The following ADAM12 variants were observed in gnomAD, a reference collection of about 807,000 sequenced individuals.
ADAM12 encodes the protein ADAM metallopeptidase domain 12.
ADAM12 carries 70 observed loss-of-function variants against 106.4 expected under a neutral mutation model. That is an observed-to-expected ratio of 0.66 (90% CI 0.54 to 0.80). The LOEUF (loss-of-function observed/expected upper bound fraction) is 0.80, where lower values mean the gene tolerates loss of function less well. Among genes scored for constraint, ADAM12 ranks in the 30% least tolerant of loss-of-function variants. ADAM12 has a pLI of 0.00. For missense variants in ADAM12, 1,010 were observed against 1,171.9 expected (o/e 0.86, Z 2.02); for synonymous variants, 420 against 433.5 (o/e 0.97, Z 0.39).
At chr10:126,363,043 G>A (rs958271004) in intron 1 of ADAM12, among the ~76,000 whole-genome samples, 11 of 151,734 alleles carry the variant, frequency 7.2e-5, no homozygotes, top group Middle Eastern at 3.4e-3. Context: ...CATCAATTTG[G>A]GCCCCATATA....
chr10:126,158,278 C>A (rs1346768681), intron 3 of ADAM12, among the ~76,000 whole-genome samples: 1 of 151,226 alleles, frequency 6.6e-6, no homozygotes, highest in Non-Finnish European at 1.5e-5. Context: ...GGAGAGAATG[C>A]ACAGAGCACC....
chr10:126,295,570 C>CACAT (rs1216399082), intron 2 of ADAM12, among the ~76,000 whole-genome samples: 1 of 151,156 alleles, frequency 6.6e-6, no homozygotes, highest in African/African-American at 2.4e-5. Context: ...CACACACACA[C>CACAT]ATCTCTGTTC....
chr10:126,350,294 C>G (rs1472534639), intron 1 of ADAM12, among the ~76,000 whole-genome samples: 1 of 152,166 alleles, frequency 6.6e-6, no homozygotes, highest in East Asian at 1.9e-4. Flanking sequence ...TGGAATCAAG[C>G]AATTTGTGTT....
At chr10:126,380,092 T>C (rs1317336446) in intron 1 of ADAM12, among the ~76,000 whole-genome samples, 1 of 152,098 alleles carries the variant, frequency 6.6e-6, no homozygotes, top group Non-Finnish European at 1.5e-5. Flanking sequence ...TGGAATGACA[T>C]AAAAGCTTAA....
intron 3 of ADAM12, among the ~76,000 whole-genome samples, chr10:126,195,018 C>T (rs185214099): frequency 4.6e-5 from 7 of 151,680 alleles, no homozygotes; most frequent in East Asian, 3.9e-4. Context: ...GCACTAATTA[C>T]GTATCTGCCT....
intron 3 of ADAM12, among the ~76,000 whole-genome samples, chr10:126,236,136 C>A (rs1213644684): frequency 1.3e-5 from 2 of 152,230 alleles, no homozygotes; most frequent in African/African-American, 4.8e-5. Flanking sequence ...AGGGAATGCC[C>A]TCACTTGGGA....
intron 1 of ADAM12, among the ~76,000 whole-genome samples, chr10:126,345,567 T>A (rs995550661): frequency 2.6e-5 from 4 of 152,242 alleles, no homozygotes; most frequent in African/African-American, 9.7e-5. Context: ...TCCCTCTTTT[T>A]CTATTGGTTG....
intron 5 of ADAM12, among the ~76,000 whole-genome samples, chr10:126,125,733 C>T (rs922553639): frequency 1.3e-5 from 2 of 151,560 alleles, no homozygotes; most frequent in Non-Finnish European, 2.9e-5. Context: ...GACCTTATTG[C>T]GAAAAGGGAC....
In ADAM12 at chr10:126,387,967, T is replaced by C. The variant is rs1319296980; in HGVS notation, c.88+91A>G. On this transcript the variant is annotated intron_variant, in intron 1 of 22. Transcript: ENST00000448723. The stretch of plus-strand genomic sequence containing the variant: ...GAGATGCGCCGGGGCGCGTCGCCCC[T>C]CGGGGCAGCCCTGGACCTCGGCGCG... 60 of 1,162,070 alleles carry C rather than the reference T, an allele frequency of 5.2e-5. 1 individual carries two copies. In the South Asian group the frequency reaches 2.3e-3, roughly 44 times the overall value. The allele number at this position is 1,162,070 out of a possible 1,614,324, so 72.0% of individuals were successfully genotyped here. A position where few individuals can be genotyped will look rare whatever the true frequency, so the allele number is the denominator to read the frequency against.
intron 5 of ADAM12, among the ~76,000 whole-genome samples, chr10:126,125,041 C>A (rs541548776): frequency 3.3e-5 from 5 of 151,894 alleles, no homozygotes; most frequent in African/African-American, 4.8e-5. Context: ...ATAATTCACA[C>A]AGCATTAAGT....
chr10:126,253,832 A>G (rs1958835227), intron 3 of ADAM12, among the ~76,000 whole-genome samples: 1 of 152,236 alleles, frequency 6.6e-6, no homozygotes, highest in African/African-American at 2.4e-5. Flanking sequence ...CACAGGCTCC[A>G]TGAGAGAAGC....
rs138785515 is a variant in ADAM12, at chr10:126,340,633, A to G, written c.89-10124T>C. On this transcript the variant is annotated intron_variant, in intron 1 of 22. Transcript: ENST00000448723. ...AAGTTCTGGAACCTCATGTCCTGATAGCACCATCTTCCTCTCTCTACTGCC... is the reference window on the plus strand; with the variant it reads ...AAGTTCTGGAACCTCATGTCCTGATGGCACCATCTTCCTCTCTCTACTGCC... Among the ~76,000 whole-genome samples the G allele has an allele frequency of 4.9e-3, 747 of 152,154 alleles. 4 individuals are homozygous for G. Among genetic ancestry groups the G allele is most frequent in the African/African-American group, 0.017 (725 of 41,510 alleles).
chr10:126,194,183 T>C (rs1403701355), intron 3 of ADAM12, among the ~76,000 whole-genome samples: 1 of 148,478 alleles, frequency 6.7e-6, no homozygotes, highest in African/African-American at 2.5e-5. Flanking sequence ...AAATGTTAAA[T>C]CAAACTTTGG....
intron 2 of ADAM12, among the ~76,000 whole-genome samples, chr10:126,325,252 G>T (rs558632028): frequency 1.3e-5 from 2 of 152,238 alleles, no homozygotes; most frequent in African/African-American, 4.8e-5. Flanking sequence ...GTGTGTGCTG[G>T]CTTTGGAAAT....
intron 3 of ADAM12, among the ~76,000 whole-genome samples, chr10:126,176,392 G>C (rs1300285692): frequency 1.3e-5 from 2 of 152,264 alleles, no homozygotes; most frequent in East Asian, 3.9e-4. Context: ...AGGCCTCCTA[G>C]GGTATTCATT....
At position 126,094,088 on chromosome 10, in the gene ADAM12, C is replaced by T; in HGVS notation, c.1042G>A (p.Glu348Lys). The T allele has an allele frequency of 1.2e-6, 2 of 1,614,160 alleles. No individual in the cohort carries two copies. Among genetic ancestry groups the T allele is most frequent in the Non-Finnish European group, 1.7e-6 (2 of 1,180,028 alleles). The change falls in exon 11 of 23, where the codon GAG (glutamate) becomes AAG (lysine). Residue 348 changes from glutamate to lysine, a missense_variant. Physicochemically the swap from Glu to Lys is moderately conservative, Grantham distance 56. This residue lies in a region of ADAM12 where 391 missense variants were observed against 442.9 expected (regional missense o/e 0.88). Transcript: ENST00000448723. ...TTCATCCCGAAATTGTGGCCCAGCT[C>T]ATGTGCCAGGGTCACGGCTGCACCA... ...PLGAAVTLAH[E>K]LGHNFGMNHD...
intron 4 of ADAM12, among the ~76,000 whole-genome samples, chr10:126,141,545 CT>C (rs1322336857): frequency 1.3e-5 from 2 of 152,190 alleles, no homozygotes; most frequent in African/African-American, 4.8e-5. Flanking sequence ...AGTAGAACAA[CT>C]TTTCCTTCTG....
At chr10:126,221,818 T>A (rs187508389) in intron 3 of ADAM12, among the ~76,000 whole-genome samples, 8 of 152,322 alleles carry the variant, frequency 5.3e-5, no homozygotes, top group Admixed American at 5.2e-4. Flanking sequence ...CTGAACCAGG[T>A]GCTACGAAAC....
At chr10:126,348,564 C>T (rs1340752216) in intron 1 of ADAM12, among the ~76,000 whole-genome samples, 4 of 152,094 alleles carry the variant, frequency 2.6e-5, no homozygotes, top group South Asian at 2.1e-4. Context: ...AGTATTCAAC[C>T]GAGCCCAATC....
Sources: allele counts gnomAD v4.1 joint callset (sites outside exome capture counted in the v4.1 genomes callset), GRCh38; gene constraint gnomAD v4.1.1; regional missense constraint gnomAD v4.1.1; transcripts MANE v1.5; gene names NCBI Gene and HGNC (gene_info 2026-07-23, HGNC 2026-07-21).